RBPJ: variants seen among roughly 807,000 people sequenced by gnomAD.
RBPJ encodes recombination signal binding protein for immunoglobulin kappa J region.
A neutral mutation model predicts 67.8 loss-of-function variants in RBPJ; 9 were observed. The ratio of observed to expected loss-of-function variants is 0.13; its 90% CI spans 0.08 to 0.23. The LOEUF is 0.23. RBPJ is among the 10% of genes least tolerant of loss of function. The probability of loss-of-function intolerance (pLI) is 1.00; values close to 1 mark genes in which losing one functional copy is unlikely to be tolerated. For missense variants in RBPJ, 305 were observed against 595.6 expected, an observed-to-expected ratio of 0.51 and a Z score of 5.08; for synonymous variants, 198 against 203.3, an observed-to-expected ratio of 0.97 and a Z score of 0.22.
At chr4:26,255,801 CAAAA>C (rs34958199) in intron 1 of RBPJ, among the ~76,000 whole-genome samples, 3 of 75,268 alleles carry the variant, frequency 4.0e-5, no homozygotes, top group Non-Finnish European at 6.2e-5. Context: ...GACTCCGTCT[CAAAA>C]AAAAAAAAAA....
At chr4:26,416,940 T>C (rs115229654) in intron 4 of RBPJ, among the ~76,000 whole-genome samples, 2,156 of 152,346 alleles carry the variant, frequency 0.014, 53 homozygotes, top group African/African-American at 0.049. Flanking sequence ...TTTGGGATAA[T>C]ACTTATTACA....
At chr4:26,407,473 A>G (rs1231879357) in intron 3 of RBPJ, among the ~76,000 whole-genome samples, 1 of 152,222 alleles carries the variant, frequency 6.6e-6, no homozygotes, top group Non-Finnish European at 1.5e-5. Context: ...GGTATTCTAT[A>G]AATTTCCGCA....
intron 1 of RBPJ, among the ~76,000 whole-genome samples, chr4:26,207,898 CTTG>C (rs1294912531): frequency 2.0e-5 from 3 of 152,146 alleles, no homozygotes; most frequent in Non-Finnish European, 2.9e-5. Flanking sequence ...TGAGCAGAGA[CTTG>C]TTGTGGCAGC....
In RBPJ at chr4:26,267,924, G is replaced by A. The variant is rs1439711353; in HGVS notation, c.-166-94522G>A. On this transcript the variant is annotated intron_variant, in intron 1 of 4. Coordinates refer to the RBPJ transcript ENST00000512351. ...CACCCGACCCACAATTTCAATATAA[G>A]AGTAACAGCTATGTGCCGAAGTCAT... 3.9e-5 allele frequency among the ~76,000 whole-genome samples: 6 copies of A among 151,950 alleles called. No homozygotes were observed. The East Asian group carries it at 1.2e-3, about 29-fold the overall frequency.
At chr4:26,285,230 C>T (rs1424796940) in intron 1 of RBPJ, among the ~76,000 whole-genome samples, 1 of 152,032 alleles carries the variant, frequency 6.6e-6, no homozygotes, top group Non-Finnish European at 1.5e-5. Flanking sequence ...CAGGCCCAGT[C>T]TCAGATAAAT....
intron 1 of RBPJ, among the ~76,000 whole-genome samples, chr4:26,350,192 A>C (rs757667349): frequency 9.9e-5 from 15 of 152,206 alleles, no homozygotes; most frequent in Non-Finnish European, 1.9e-4. Context: ...AAGCCAGCAA[A>C]GACTATAAGC....
chr4:26,430,104 G>T lies in RBPJ; in HGVS notation c.1044+51G>T. 1 of 1,585,016 alleles carries T rather than the reference G, an allele frequency of 6.3e-7. No homozygotes were observed. Among genetic ancestry groups the T allele is most frequent in the Non-Finnish European group, 8.7e-7 (1 of 1,155,190 alleles). On this transcript the variant is annotated intron_variant, in intron 9 of 10. Coordinates refer to ENST00000355476, the MANE Select transcript of RBPJ (RefSeq NM_015874.6). This position sits in a 1 kb window ranked among gnomAD's most constrained non-coding sequence, Gnocchi z 4.1. ...CTTCAGCTCTTTGCAGCTACTCTCAGCTGTGACCTGGCATCATTTCATTTC... is the reference window on the plus strand; with the variant it reads ...CTTCAGCTCTTTGCAGCTACTCTCATCTGTGACCTGGCATCATTTCATTTC...
chr4:26,316,635 G>GATAT (rs536110250), upstream of RBPJ, among the ~76,000 whole-genome samples: 3 of 131,586 alleles, frequency 2.3e-5, no homozygotes, highest in Non-Finnish European at 4.8e-5. Flanking sequence ...TACACATATT[G>GATAT]ATATATATAT....
chr4:26,114,860 T>C, the RBPJ span, among the ~76,000 whole-genome samples: 4 of 152,198 alleles, frequency 2.6e-5, no homozygotes, highest in Non-Finnish European at 4.4e-5. Context: ...TGTGAGGCAG[T>C]TATTAAACAG....
chr4:26,232,504 C>T lies in RBPJ; in HGVS notation c.-167+68890C>T, dbSNP rs542337062. Reference sequence around the variant, plus strand: ...TCCTCCTAGGGTTACAGACATGAGCCGCTACACCCAGCCAATTAAGTTTAA... The same window carrying T: ...TCCTCCTAGGGTTACAGACATGAGCTGCTACACCCAGCCAATTAAGTTTAA... On this transcript the variant is annotated intron_variant, in intron 1 of 4. Transcript: ENST00000512351. Among the ~76,000 whole-genome samples the T allele has an allele frequency of 2.6e-4, 39 of 152,266 alleles. 2 individuals are homozygous for T. Among genetic ancestry groups the T allele is most frequent in the African/African-American group, 5.5e-4 (23 of 41,546 alleles).
At chr4:26,358,827 G>A (rs13139997) in intron 1 of RBPJ, among the ~76,000 whole-genome samples, 86,428 of 151,738 alleles carry the variant, frequency 0.57, 24,704 homozygotes, top group Admixed American at 0.66. Flanking sequence ...GTTTGAGGCA[G>A]TGGGTTCACT....
chr4:26,245,145 T>C (rs1010380600), intron 1 of RBPJ, among the ~76,000 whole-genome samples: 1 of 151,310 alleles, frequency 6.6e-6, no homozygotes, highest in Non-Finnish European at 1.5e-5. Flanking sequence ...AGAAACACTA[T>C]CCATTAGCAG....
chr4:26,156,182 G>T, the RBPJ span, among the ~76,000 whole-genome samples: 1 of 152,168 alleles, frequency 6.6e-6, no homozygotes, highest in Non-Finnish European at 1.5e-5. Flanking sequence ...CTAGTGCACA[G>T]TAAGTATTCA....
chr4:26,268,234 C>T (rs1358648700), intron 1 of RBPJ, among the ~76,000 whole-genome samples: 5 of 151,974 alleles, frequency 3.3e-5, no homozygotes, highest in African/African-American at 1.2e-4. Context: ...CTTTGTTTGC[C>T]TCATTCCTTT....
chr4:26,341,757 T>A (rs1245701773), intron 1 of RBPJ, among the ~76,000 whole-genome samples: 1 of 152,004 alleles, frequency 6.6e-6, no homozygotes, highest in African/African-American at 2.4e-5. Context: ...GGAGAGAAAT[T>A]GGAGACAGAA....
the RBPJ span, among the ~76,000 whole-genome samples, chr4:26,114,054 C>T: frequency 0.014 from 2,175 of 152,188 alleles, 56 homozygotes; most frequent in African/African-American, 0.049. Context: ...TGTTTAGTGT[C>T]GTATTCCAAA....
intron 1 of RBPJ, among the ~76,000 whole-genome samples, chr4:26,191,206 T>TAG (rs1460217249): frequency 1.5e-3 from 46 of 30,456 alleles, no homozygotes; most frequent in Non-Finnish European, 2.2e-3. Context: ...TATATATATA[T>TAG]ATATAGAGAG....
the RBPJ span, among the ~76,000 whole-genome samples, chr4:26,158,441 C>G: frequency 1.3e-5 from 2 of 152,174 alleles, no homozygotes; most frequent in Non-Finnish European, 2.9e-5. Context: ...GAGTTGGTTT[C>G]TGTTACTTGT....
chr4:26,265,522 G>GAAA (rs974558175), intron 1 of RBPJ, among the ~76,000 whole-genome samples: 1 of 136,104 alleles, frequency 7.3e-6, no homozygotes, highest in Non-Finnish European at 1.6e-5. Flanking sequence ...CTCAAAAAAA[G>GAAA]AAAAAAAAAA....
Sources: gnomAD v4.1 joint callset for allele counts (sites outside exome capture counted in the v4.1 genomes callset) on GRCh38, gnomAD v4.1.1 for gene constraint, Gnocchi (gnomAD v3.1) non-coding constraint, MANE v1.5 for transcripts, NCBI Gene and HGNC (gene_info 2026-07-23, HGNC 2026-07-21) for gene names.